The following MVB12B variants were observed in gnomAD, a reference collection of about 807,000 sequenced individuals.
The protein encoded by MVB12B is multivesicular body subunit 12B.
MVB12B carries 16 observed loss-of-function variants against 41.6 expected under a neutral mutation model. The ratio of observed to expected loss-of-function variants is 0.38; its 90% CI spans 0.26 to 0.58. The LOEUF is 0.58. Among genes scored for constraint, MVB12B ranks in the 20% least tolerant of loss-of-function variants. The pLI, the probability that MVB12B is intolerant of heterozygous loss-of-function variation, is 0.62. For synonymous variants in MVB12B, 133 were observed against 139.7 expected, an observed-to-expected ratio of 0.95 and a Z score of 0.34; for missense variants, 274 against 380.2, an observed-to-expected ratio of 0.72 and a Z score of 2.32.
At position 126,478,572 on chromosome 9, in the gene MVB12B, T is replaced by C. The variant is rs950720687; in HGVS notation, c.758-2797T>C. On this transcript the variant is annotated intron_variant, in intron 7 of 9. Coordinates refer to ENST00000361171, the MANE Select transcript of MVB12B (RefSeq NM_033446.3). The surrounding 1 kb of genome is among the most constrained non-coding windows in gnomAD (Gnocchi z 4.2). ...GGGAAGGACAGTTGAGGTACAAGCA[T>C]AGAGGGAGGGAAGGGATGGGTAAGC... Among the ~76,000 whole-genome samples, 7 of 152,006 alleles carry C rather than the reference T, an allele frequency of 4.6e-5. No homozygotes were observed. Among genetic ancestry groups the C allele is most frequent in the African/African-American group, 1.2e-4 (5 of 41,380 alleles).
chr9:126,424,776 G>A (rs1390240828), intron 7 of MVB12B, among the ~76,000 whole-genome samples: 2 of 152,182 alleles, frequency 1.3e-5, no homozygotes, highest in Non-Finnish European at 2.9e-5. Flanking sequence ...CTGCTCTCTT[G>A]TACCCTAATC....
intron 2 of MVB12B, among the ~76,000 whole-genome samples, chr9:126,364,474 A>G (rs1021147176): frequency 2.6e-5 from 4 of 152,162 alleles, no homozygotes; most frequent in African/African-American, 9.7e-5. Flanking sequence ...TCCCCACTCC[A>G]GGGCAGAGGT....
intron 3 of MVB12B, among the ~76,000 whole-genome samples, chr9:126,381,857 G>C (rs1830647497): frequency 6.6e-6 from 1 of 151,780 alleles, no homozygotes; most frequent in African/African-American, 2.4e-5. Context: ...CTGTCCCCAG[G>C]TAATCTCTAC....
intron 9 of MVB12B, among the ~76,000 whole-genome samples, chr9:126,497,367 G>C (rs929207984): frequency 6.6e-6 from 1 of 152,156 alleles, no homozygotes; most frequent in African/African-American, 2.4e-5. Flanking sequence ...TAAAGGGTCT[G>C]CGGGAGCCCT....
intron 7 of MVB12B, chr9:126,426,761 C>G (rs990165533): frequency 6.6e-6 from 1 of 152,130 alleles, no homozygotes; most frequent in Non-Finnish European, 1.5e-5. Context: ...CAGGGGATAT[C>G]TAGATTAGGT....
At chr9:126,374,038 G>A (rs995468487) in intron 2 of MVB12B, among the ~76,000 whole-genome samples, 3 of 152,160 alleles carry the variant, frequency 2.0e-5, no homozygotes, top group African/African-American at 7.2e-5. Flanking sequence ...TGAACTTTCC[G>A]TGTTAGTGTG....
intron 2 of MVB12B, among the ~76,000 whole-genome samples, chr9:126,356,248 T>C (rs1371776234): frequency 3.3e-5 from 5 of 152,218 alleles, no homozygotes; most frequent in African/African-American, 9.6e-5. Flanking sequence ...CTCAGTGCAA[T>C]TGCAGTGGGT....
intron 2 of MVB12B, among the ~76,000 whole-genome samples, chr9:126,351,579 T>C (rs1829750618): frequency 6.6e-6 from 1 of 150,748 alleles, no homozygotes; most frequent in Non-Finnish European, 1.5e-5. Flanking sequence ...ACCTGCACTT[T>C]CTGGGTTCAA....
Position 126,367,359 on chromosome 9 carries a change from C to T in MVB12B, c.205-13705C>T, listed in dbSNP as rs1830211441. On this transcript the variant is annotated intron_variant, in intron 2 of 9. Transcript: ENST00000361171. This position sits in a 1 kb window ranked among gnomAD's most constrained non-coding sequence, Gnocchi z 4.3. ...GATCTCTGTGGTCGTATGGTCTGCT[C>T]TCTCTCTCTCATCCGCGTGGCCAGT... Among the ~76,000 whole-genome samples the T allele has an allele frequency of 6.6e-6, 1 of 151,758 alleles. No individual in the cohort carries two copies. The highest frequency in any genetic ancestry group is 2.4e-5 in the African/African-American group (1 of 41,300).
chr9:126,455,801 G>A (rs919063977), intron 7 of MVB12B, among the ~76,000 whole-genome samples: 1 of 151,874 alleles, frequency 6.6e-6, no homozygotes, highest in South Asian at 2.1e-4. Flanking sequence ...GTGGGTATTT[G>A]AGCCTCTAAT....
intron 2 of MVB12B, among the ~76,000 whole-genome samples, chr9:126,358,393 A>T (rs1829940248): frequency 1.3e-5 from 2 of 151,726 alleles, no homozygotes; most frequent in Non-Finnish European, 2.9e-5. Flanking sequence ...TGTGTGGGTC[A>T]ATTCGCAGGT....
intron 7 of MVB12B, among the ~76,000 whole-genome samples, chr9:126,438,054 C>T (rs540478824): frequency 6.6e-6 from 1 of 152,294 alleles, no homozygotes; most frequent in East Asian, 1.9e-4. Context: ...TAAAAAGGAA[C>T]TCCTGTGTAT....
intron 9 of MVB12B, among the ~76,000 whole-genome samples, chr9:126,494,327 G>A (rs10987304): frequency 0.27 from 40,564 of 152,044 alleles, 6,753 homozygotes; most frequent in African/African-American, 0.47. Flanking sequence ...TCGGCAGCCA[G>A]TGTCCTGGCA....
Position 126,376,534 on chromosome 9 carries a change from G to A in MVB12B, c.205-4530G>A. ...ACAGTGGGGCGACGAGCAGGGAGCTGGCTCAGATCGTGGGCTGGTCCACCC... is the reference window on the plus strand; with the variant it reads ...ACAGTGGGGCGACGAGCAGGGAGCTAGCTCAGATCGTGGGCTGGTCCACCC... On this transcript the variant is annotated intron_variant, in intron 2 of 9. Transcript: ENST00000361171. The surrounding 1 kb of genome is among the most constrained non-coding windows in gnomAD (Gnocchi z 4.1). 3.9e-6 allele frequency: 5 copies of A among 1,289,332 alleles called. No homozygotes were observed. Among genetic ancestry groups the A allele is most frequent in the Non-Finnish European group, 4.0e-6 (4 of 988,860 alleles). 79.9% of individuals were successfully genotyped at this position (1,289,332 alleles called of 1,614,324 possible).
intron 7 of MVB12B, among the ~76,000 whole-genome samples, chr9:126,439,108 T>A (rs1832568106): frequency 6.6e-6 from 1 of 152,048 alleles, no homozygotes; most frequent in South Asian, 2.1e-4. Context: ...TTAATACACT[T>A]CCACCAGCAA....
intron 3 of MVB12B, among the ~76,000 whole-genome samples, chr9:126,384,725 G>T (rs1327741181): frequency 1.3e-5 from 2 of 151,528 alleles, no homozygotes; most frequent in Non-Finnish European, 2.9e-5. Context: ...TAGAGACAGG[G>T]TTTCACCATG....
chr9:126,416,829 G>C (rs1588154872), intron 6 of MVB12B, among the ~76,000 whole-genome samples: 1 of 152,134 alleles, frequency 6.6e-6, no homozygotes, highest in East Asian at 1.9e-4. Flanking sequence ...TGGCAGGTGG[G>C]GCTCCATCCC....
At chr9:126,438,949 T>C (rs770945811) in intron 7 of MVB12B, among the ~76,000 whole-genome samples, 5 of 152,268 alleles carry the variant, frequency 3.3e-5, no homozygotes, top group Non-Finnish European at 7.4e-5. Context: ...AAGGTCCATC[T>C]GCTTGCTCCT....
At position 126,334,578 on chromosome 9, in the gene MVB12B, ACACT is replaced by A. The variant is rs1242712453; in HGVS notation, c.82-5927_82-5924del. On this transcript the variant is annotated intron_variant, in intron 1 of 9. Transcript: ENST00000361171. ...GGCAAGCTGTGACTCCTGTCACCAA[ACACT>A]CAGGAACCATTGCTTTTGGGGCCTC... Among the ~76,000 whole-genome samples, 5 of 152,336 alleles carry A rather than the reference ACACT, an allele frequency of 3.3e-5. No homozygotes were observed. The South Asian group carries it at 8.3e-4, about 25-fold the overall frequency.
Sources: gnomAD v4.1 joint callset for allele counts (sites outside exome capture counted in the v4.1 genomes callset) on GRCh38, gnomAD v4.1.1 for gene constraint, Gnocchi (gnomAD v3.1) non-coding constraint, MANE v1.5 for transcripts, NCBI Gene and HGNC (gene_info 2026-07-23, HGNC 2026-07-21) for gene names.